The following FKBP1A variants were observed in gnomAD, a reference collection of about 807,000 sequenced individuals.
FKBP1A encodes peptidyl-prolyl cis-trans isomerase FKBP1A.
FKBP1A carries 5 observed loss-of-function variants against 14.2 expected under a neutral mutation model. That is an observed-to-expected ratio of 0.35 (90% CI 0.18 to 0.74). The LOEUF (loss-of-function observed/expected upper bound fraction) is 0.74. Ranked by LOEUF, FKBP1A falls within the 30% of genes least tolerant of loss-of-function variation. FKBP1A has a pLI of 0.56. For synonymous variants in FKBP1A, 42 were observed against 49.1 expected (o/e 0.86, Z 0.60); for missense variants, 53 against 138.8 (o/e 0.38, Z 3.10).
At chr20:1,373,536 A>T (rs977946086) in intron 3 of FKBP1A, among the ~76,000 whole-genome samples, 4 of 152,244 alleles carry the variant, frequency 2.6e-5, no homozygotes, top group Non-Finnish European at 5.9e-5. Context: ...TATGCTATGA[A>T]GAATTTAAAA....
At chr20:1,378,042 A>G (rs1199942570) in intron 2 of FKBP1A, 1 of 131,906 alleles carries the variant, frequency 7.6e-6, no homozygotes, top group African/African-American at 2.9e-5. Context: ...CCCTTCCCCT[A>G]TACGGGTCAG....
chr20:1,388,343 C>T (rs182066985), intron 2 of FKBP1A, among the ~76,000 whole-genome samples: 1 of 152,280 alleles, frequency 6.6e-6, no homozygotes, highest in East Asian at 1.9e-4. Context: ...AAAAAAACAG[C>T]GTAAGGACTC....
Position 1,369,963 on chromosome 20 carries a change from CACATTCA to C in FKBP1A, c.*139_*145del. 1 of 1,482,464 alleles carries C rather than the reference CACATTCA, an allele frequency of 6.7e-7. No individual in the cohort carries two copies. 91.8% of individuals were successfully genotyped at this position (1,482,464 alleles called of 1,614,324 possible). A position where few individuals can be genotyped will look rare whatever the true frequency, so the allele number is the denominator to read the frequency against. On this transcript the variant is annotated 3_prime_UTR_variant, in exon 5 of 5. Transcript: ENST00000400137. Reference sequence around the variant, plus strand: ...TCGGAAGCAAAGCTGAGTGACAGAACACATTCAGTCAGGGCAGATGTCTATACAAAGT... The same window carrying C: ...TCGGAAGCAAAGCTGAGTGACAGAACGTCAGGGCAGATGTCTATACAAAGT...
chr20:1,383,280 T>G (rs577483925), intron 2 of FKBP1A, among the ~76,000 whole-genome samples: 28 of 151,940 alleles, frequency 1.8e-4, no homozygotes, highest in Non-Finnish European at 3.8e-4. Flanking sequence ...TAGTTGCTCA[T>G]GAATCTTTGC....
rs2089592430 is a variant in FKBP1A at position 1,379,417 on chromosome 20, G to T, written c.86-3814C>A. 6.6e-6 allele frequency among the ~76,000 whole-genome samples: 1 copy of T among 152,190 alleles called. No homozygotes were observed. On this transcript the variant is annotated intron_variant, in intron 2 of 4. Transcript: ENST00000400137. This position sits in a 1 kb window ranked among gnomAD's most constrained non-coding sequence, Gnocchi z 4.3. ...ATGTTCTTCAGTGGCTCTATGTGAGGATGCCTGTCTAACCCCAGCTCTCCT... is the reference window on the plus strand; with the variant it reads ...ATGTTCTTCAGTGGCTCTATGTGAGTATGCCTGTCTAACCCCAGCTCTCCT...
Position 1,369,961 on chromosome 20 carries a change from A to AAC in FKBP1A, c.*146_*147dup. 6.6e-7 allele frequency: 1 copy of AAC among 1,504,406 alleles called. No individual in the cohort carries two copies. Among genetic ancestry groups the AAC allele is most frequent in the Non-Finnish European group, 9.0e-7 (1 of 1,115,902 alleles). The allele number at this position is 1,504,406 out of a possible 1,614,324, so 93.2% of individuals were successfully genotyped here. A position where few individuals can be genotyped will look rare whatever the true frequency, so the allele number is the denominator to read the frequency against. The stretch of plus-strand genomic sequence containing the variant: ...TGTCGGAAGCAAAGCTGAGTGACAG[A>AAC]ACACATTCAGTCAGGGCAGATGTCT... On this transcript the variant is annotated 3_prime_UTR_variant, in exon 5 of 5. Coordinates refer to ENST00000400137, the MANE Select transcript of FKBP1A (RefSeq NM_000801.5).
chr20:1,369,485 G>A lies in FKBP1A; in HGVS notation c.*624C>T, dbSNP rs1351680599. On this transcript the variant is annotated 3_prime_UTR_variant, in exon 5 of 5. Transcript: ENST00000400137. Reference sequence around the variant, plus strand: ...CAGTGAACATGATCTACTTTCAAAGGCAGAGGGTTTAAGGGGAGGGTGGGT... The same window carrying A: ...CAGTGAACATGATCTACTTTCAAAGACAGAGGGTTTAAGGGGAGGGTGGGT... 6.6e-6 allele frequency: 1 copy of A among 150,774 alleles called. No individual in the cohort carries two copies. Among genetic ancestry groups the A allele is most frequent in the Non-Finnish European group, 1.6e-5 (1 of 64,478 alleles). 9.3% of individuals were successfully genotyped at this position (150,774 alleles called of 1,614,324 possible).
At chr20:1,390,350 GA>G (rs1422127473) in intron 2 of FKBP1A, among the ~76,000 whole-genome samples, 1 of 141,322 alleles carries the variant, frequency 7.1e-6, no homozygotes, top group Admixed American at 7.0e-5. Flanking sequence ...TGGCCATGGG[GA>G]GGGGGGAGGG....
At chr20:1,385,366 G>A (rs1046573793) in intron 2 of FKBP1A, among the ~76,000 whole-genome samples, 29 of 152,226 alleles carry the variant, frequency 1.9e-4, no homozygotes, top group African/African-American at 6.5e-4. Flanking sequence ...CTCCAGCCTG[G>A]GCGACAGAGT....
At chr20:1,381,324 T>C (rs1407651627) in intron 2 of FKBP1A, among the ~76,000 whole-genome samples, 1 of 152,206 alleles carries the variant, frequency 6.6e-6, no homozygotes, top group Non-Finnish European at 1.5e-5. Flanking sequence ...CAGGTAAGCA[T>C]ATGAAAAGAT....
chr20:1,392,872 A>G lies in FKBP1A; in HGVS notation c.47T>C (p.Phe16Ser). The G allele has an allele frequency of 6.6e-7, 1 of 1,513,962 alleles. No homozygotes were observed. The highest frequency in any genetic ancestry group is 2.6e-5 in the East Asian group (1 of 38,274). 93.8% of individuals were successfully genotyped at this position (1,513,962 alleles called of 1,614,324 possible). A position where few individuals can be genotyped will look rare whatever the true frequency, so the allele number is the denominator to read the frequency against. Residue 16 changes from phenylalanine to serine, a missense_variant, in exon 2 of 5, where the codon TTC becomes TCC. By Grantham distance (155) the Phe-to-Ser change is radical (BLOSUM62 -2). Transcript: ENST00000400137. Reference sequence around the variant, plus strand: ...CACGCAGGTCTGGCCGCGCTTGGGGAAGGTGCGCCCTGAGGAGACAGAGAC... The same window carrying G: ...CACGCAGGTCTGGCCGCGCTTGGGGGAGGTGCGCCCTGAGGAGACAGAGAC... Reference protein sequence around the residue: ...ETISPGDGRTFPKRGQTCVVH... With the variant: ...ETISPGDGRTSPKRGQTCVVH...
chr20:1,385,633 T>G (rs1282785184), intron 2 of FKBP1A, among the ~76,000 whole-genome samples: 1 of 152,054 alleles, frequency 6.6e-6, no homozygotes, highest in Admixed American at 6.5e-5. Context: ...TCTCAGGAGA[T>G]AAAACTCTTA....
At chr20:1,387,574 G>A (rs760928610) in intron 2 of FKBP1A, among the ~76,000 whole-genome samples, 6 of 152,266 alleles carry the variant, frequency 3.9e-5, no homozygotes, top group Admixed American at 2.0e-4. Context: ...GGCTGGGCAC[G>A]GTGGCTCATG....
chr20:1,381,801 G>A (rs2089619208), intron 2 of FKBP1A, among the ~76,000 whole-genome samples: 1 of 152,140 alleles, frequency 6.6e-6, no homozygotes, highest in Non-Finnish European at 1.5e-5. Flanking sequence ...ATTATACCAA[G>A]TGAAAGAAGG....
intron 2 of FKBP1A, among the ~76,000 whole-genome samples, chr20:1,389,516 G>A (rs1487327735): frequency 6.6e-6 from 1 of 152,138 alleles, no homozygotes; most frequent in Non-Finnish European, 1.5e-5. Flanking sequence ...CAGCAAAGTG[G>A]CCACACCTGT....
chr20:1,381,626 A>T (rs534423639), intron 2 of FKBP1A, among the ~76,000 whole-genome samples: 36 of 152,344 alleles, frequency 2.4e-4, no homozygotes, highest in African/African-American at 8.4e-4. Context: ...TTGTACACAA[A>T]TGTTCAAAGC....
At chr20:1,377,148 G>A (rs975823580) in intron 2 of FKBP1A, 1 of 152,186 alleles carries the variant, frequency 6.6e-6, no homozygotes, top group Non-Finnish European at 1.5e-5. Context: ...TTGTGTAAGA[G>A]TTTAGGAAAA....
chr20:1,375,247 A>G (rs1326004765), intron 3 of FKBP1A: 2 of 572,550 alleles, frequency 3.5e-6, no homozygotes, highest in African/African-American at 1.9e-5. Context: ...ATTAAGTGAA[A>G]AAGTAAACTG....
At chr20:1,384,919 A>T (rs1479986249) in intron 2 of FKBP1A, among the ~76,000 whole-genome samples, 9 of 152,176 alleles carry the variant, frequency 5.9e-5, no homozygotes, top group African/African-American at 2.2e-4. Flanking sequence ...CTATAACCAA[A>T]AGTGTATTTT....
Sources: allele counts gnomAD v4.1 joint callset (sites outside exome capture counted in the v4.1 genomes callset), GRCh38; gene constraint gnomAD v4.1.1; non-coding constraint Gnocchi (gnomAD v3.1); transcripts MANE v1.5; gene names NCBI Gene and HGNC (gene_info 2026-07-23, HGNC 2026-07-21).